F2R: variants seen among roughly 807,000 people sequenced by gnomAD.
F2R encodes coagulation factor II thrombin receptor.
F2R carries 12 observed loss-of-function variants against 18.3 expected under a neutral mutation model. The ratio of observed to expected loss-of-function variants is 0.66; its 90% CI spans 0.42 to 1.06. F2R has a LOEUF of 1.06. F2R is among the 50% of genes least tolerant of loss of function. The pLI, the probability that F2R is intolerant of heterozygous loss-of-function variation, is 0.00. For synonymous variants in F2R, 210 were observed against 219.9 expected (o/e 0.95, Z 0.40); for missense variants, 438 against 530.8 (o/e 0.83, Z 1.72).
chr5:76,722,064 ATTG>A (rs1263567894), intron 1 of F2R, among the ~76,000 whole-genome samples: 2 of 152,140 alleles, frequency 1.3e-5, no homozygotes, highest in Non-Finnish European at 2.9e-5. Context: ...GTTGTTTATT[ATTG>A]TTCTTATCAT....
At chr5:76,717,922 C>T (rs985230909) in intron 1 of F2R, among the ~76,000 whole-genome samples, 1 of 152,054 alleles carries the variant, frequency 6.6e-6, no homozygotes, top group African/African-American at 2.4e-5. Context: ...AGGAGTGGTG[C>T]ATGTTAATAT....
At chr5:76,727,791 A>G (rs1465589054) in intron 1 of F2R, among the ~76,000 whole-genome samples, 3 of 140,330 alleles carry the variant, frequency 2.1e-5, no homozygotes, top group Non-Finnish European at 4.6e-5. Context: ...ACATGGTTGT[A>G]ATACATTCTT....
intron 1 of F2R, among the ~76,000 whole-genome samples, chr5:76,720,613 C>T (rs1463881958): frequency 6.6e-6 from 1 of 152,210 alleles, no homozygotes; most frequent in African/African-American, 2.4e-5. Flanking sequence ...CCCCTACCTA[C>T]TTCCAAAATC....
intron 1 of F2R, 33 bp from the exon 2 acceptor site, chr5:76,732,281 T>A (rs369544096): frequency 1.5e-5 from 23 of 1,520,368 alleles, no homozygotes; most frequent in Non-Finnish European, 1.9e-5. Context: ...GTTCACTTTT[T>A]ACATTTAAAA....
chr5:76,716,766 C>A, intron 1 of F2R: 1 of 576,804 alleles, frequency 1.7e-6, no homozygotes. Context: ...CACCAATAAA[C>A]GTTTCGATCT....
At position 76,733,139 on chromosome 5, in the gene F2R, G is replaced by A. The variant is rs749663411; in HGVS notation, c.914G>A (p.Arg305His). 6.2e-7 allele frequency: 1 copy of A among 1,614,150 alleles called. No individual in the cohort carries two copies. Among genetic ancestry groups the A allele is most frequent in the Non-Finnish European group, 8.5e-7 (1 of 1,180,038 alleles). The change falls in exon 2 of 2, where the codon CGC becomes CAC. Residue 305 changes from arginine to histidine, a missense_variant. Physicochemically the swap from Arg to His is conservative, Grantham distance 29. Coordinates refer to ENST00000319211, the MANE Select transcript of F2R (RefSeq NM_001992.5). ...CTTAGCTCTTCCGCAGTTGCCAACCGCAGCAAGAAGTCCCGGGCTTTGTTC... is the reference window on the plus strand; with the variant it reads ...CTTAGCTCTTCCGCAGTTGCCAACCACAGCAAGAAGTCCCGGGCTTTGTTC... ...RCLSSSAVAN[R>H]SKKSRALFLS...
At chr5:76,719,396 C>G (rs1405974893) in intron 1 of F2R, among the ~76,000 whole-genome samples, 1 of 152,156 alleles carries the variant, frequency 6.6e-6, no homozygotes, top group African/African-American at 2.4e-5. Context: ...TTGAGACCAG[C>G]CTGACCAACA....
At chr5:76,728,862 T>TG (rs1212607127) in intron 1 of F2R, among the ~76,000 whole-genome samples, 2 of 152,152 alleles carry the variant, frequency 1.3e-5, no homozygotes, top group African/African-American at 4.8e-5. Context: ...GGCTAATTTT[T>TG]GTAATTTTAG....
At position 76,733,576 on chromosome 5, in the gene F2R, A is replaced by G; in HGVS notation, c.*73A>G. 1 of 1,227,420 alleles carries G rather than the reference A, an allele frequency of 8.1e-7. No homozygotes were observed. Among genetic ancestry groups the G allele is most frequent in the Non-Finnish European group, 1.1e-6 (1 of 894,856 alleles). 76.0% of individuals were successfully genotyped at this position (1,227,420 alleles called of 1,614,324 possible). A position where few individuals can be genotyped will look rare whatever the true frequency, so the allele number is the denominator to read the frequency against. ...TAACCTGAGGATTCTATTAGTCCCC[A>G]CCCAAACTTTATTGATTCACCTCCT... On this transcript the variant is annotated 3_prime_UTR_variant, in exon 2 of 2. Transcript: ENST00000319211.
At chr5:76,725,807 ACCGT>A (rs1311633519) in intron 1 of F2R, among the ~76,000 whole-genome samples, 2 of 152,202 alleles carry the variant, frequency 1.3e-5, no homozygotes, top group East Asian at 3.8e-4. Flanking sequence ...TGTCGGAAGT[ACCGT>A]CTGCCTGAGG....
intron 1 of F2R, among the ~76,000 whole-genome samples, chr5:76,718,297 A>T (rs989006048): frequency 6.6e-6 from 1 of 152,204 alleles, no homozygotes; most frequent in African/African-American, 2.4e-5. Flanking sequence ...GAAAATTTAA[A>T]ATCACTAATA....
At chr5:76,724,142 TC>T (rs1439557327) in intron 1 of F2R, among the ~76,000 whole-genome samples, 3 of 152,180 alleles carry the variant, frequency 2.0e-5, no homozygotes, top group African/African-American at 7.2e-5. Flanking sequence ...TCATGGCTCA[TC>T]CACAGTCTCA....
At position 76,721,635 on chromosome 5, in the gene F2R, G is replaced by C. The variant is rs1340870709; in HGVS notation, c.88+5240G>C. Among the ~76,000 whole-genome samples the C allele has an allele frequency of 2.6e-5, 4 of 152,232 alleles. No homozygotes were observed. The East Asian group carries it at 7.7e-4, about 29-fold the overall frequency. Reference sequence around the variant, plus strand: ...TCAGGTATTATGGTATTGTAGAATAGTGTTTACCAGTACAGTATTTTCCTC... The same window carrying C: ...TCAGGTATTATGGTATTGTAGAATACTGTTTACCAGTACAGTATTTTCCTC... On this transcript the variant is annotated intron_variant, in intron 1 of 1. Coordinates refer to ENST00000319211, the MANE Select transcript of F2R (RefSeq NM_001992.5).
rs1177540870 is a variant in F2R, at chr5:76,732,793, A to G, written c.568A>G (p.Ile190Val). The change falls in exon 2 of 2, where the codon ATC (isoleucine) becomes GTC (valine). Residue 190 changes from isoleucine (I) to valine (V), a missense_variant. Transcript: ENST00000319211. ...ATTTTACTGTAACATGTACGCCTCT[A>G]TCTTGCTCATGACAGTCATAAGCAT... is the stretch of plus-strand genomic sequence containing the variant. ...AAFYCNMYAS[I>V]LLMTVISIDR... The G allele has an allele frequency of 3.1e-6, 5 of 1,614,002 alleles. No homozygotes were observed. The highest frequency in any genetic ancestry group is 4.2e-6 in the Non-Finnish European group (5 of 1,180,032).
chr5:76,726,268 A>G (rs1386511639), intron 1 of F2R, among the ~76,000 whole-genome samples: 1 of 151,688 alleles, frequency 6.6e-6, no homozygotes, highest in East Asian at 1.9e-4. Flanking sequence ...GCGGTGGCTC[A>G]CACCTGTAAT....
Position 76,716,333 on chromosome 5 carries a change from T to C in F2R, c.26T>C (p.Val9Ala). 2 of 1,433,224 alleles carry C rather than the reference T, an allele frequency of 1.4e-6. No individual in the cohort carries two copies. Among genetic ancestry groups the C allele is most frequent in the African/African-American group, 1.5e-5 (1 of 67,688 alleles). The allele number at this position is 1,433,224 out of a possible 1,614,324, so 88.8% of individuals were successfully genotyped here. A position where few individuals can be genotyped will look rare whatever the true frequency, so the allele number is the denominator to read the frequency against. MGPRRLLL[V>A]AACFSLCGPL... ...ATGGGGCCGCGGCGGCTGCTGCTGG[T>C]GGCCGCCTGCTTCAGTCTGTGCGGC... is the stretch of plus-strand genomic sequence containing the variant. Residue 9 changes from valine to alanine, a missense_variant, in exon 1 of 2, where the codon GTG becomes GCG. Val to Ala is a moderately conservative substitution (Grantham distance 64). Coordinates refer to ENST00000319211, the MANE Select transcript of F2R (RefSeq NM_001992.5).
intron 1 of F2R, among the ~76,000 whole-genome samples, chr5:76,721,555 T>C (rs1054072487): frequency 6.6e-6 from 1 of 152,236 alleles, no homozygotes; most frequent in Admixed American, 6.5e-5. Context: ...TATATAACTT[T>C]AGGAAAAGAC....
Position 76,716,234 on chromosome 5 carries a change from C to G in F2R, c.-74C>G. On this transcript the variant is annotated 5_prime_UTR_variant, in exon 1 of 2. Transcript: ENST00000319211. ...GACCGGCTCCCCGACCCGCAGAAGT[C>G]AGGAGAGAGGGTGAAGCGGAGCAGC... 1 of 1,205,914 alleles carries G rather than the reference C, an allele frequency of 8.3e-7. No individual in the cohort carries two copies. Among genetic ancestry groups the G allele is most frequent in the Non-Finnish European group, 1.1e-6 (1 of 936,856 alleles). The allele number at this position is 1,205,914 out of a possible 1,614,324, so 74.7% of individuals were successfully genotyped here.
chr5:76,717,409 C>CG (rs1444096263), intron 1 of F2R, among the ~76,000 whole-genome samples: 3 of 151,978 alleles, frequency 2.0e-5, no homozygotes, highest in Non-Finnish European at 4.4e-5. Flanking sequence ...GAAGTTCTAG[C>CG]GGGTTTTCTT....
Sources: allele counts gnomAD v4.1 joint callset (sites outside exome capture counted in the v4.1 genomes callset), GRCh38; gene constraint gnomAD v4.1.1; transcripts MANE v1.5; gene names NCBI Gene and HGNC (gene_info 2026-07-23, HGNC 2026-07-21).